DAB1: variants seen among roughly 807,000 people sequenced by gnomAD.
DAB1 encodes the protein DAB adaptor protein 1.
In DAB1, 15 loss-of-function variants were observed where a neutral mutation model predicts 64.6. That is an observed-to-expected ratio of 0.23 (90% CI 0.16 to 0.36). The LOEUF (loss-of-function observed/expected upper bound fraction) is 0.36, where lower values mean the gene tolerates loss of function less well. DAB1 is among the 10% of genes least tolerant of loss of function. The pLI, the probability that DAB1 is intolerant of heterozygous loss-of-function variation, is 1.00. For synonymous variants in DAB1, 235 were observed against 251.9 expected (o/e 0.93, Z 0.64); for missense variants, 596 against 706.7 (o/e 0.84, Z 1.78).
At chr1:57,784,235 A>C (rs1650237303) in intron 6 of DAB1, among the ~76,000 whole-genome samples, 1 of 152,130 alleles carries the variant, frequency 6.6e-6, no homozygotes, top group Non-Finnish European at 1.5e-5. Flanking sequence ...TCTACAAAAG[A>C]ATACAAAAAT....
At chr1:57,656,741 T>C (rs1646323796) in intron 6 of DAB1, among the ~76,000 whole-genome samples, 1 of 152,266 alleles carries the variant, frequency 6.6e-6, no homozygotes. Context: ...TTTATTTGTT[T>C]GTTTTACCCT....
At chr1:57,727,307 AC>A (rs1298065736) in intron 6 of DAB1, among the ~76,000 whole-genome samples, 1 of 152,222 alleles carries the variant, frequency 6.6e-6, no homozygotes, top group Non-Finnish European at 1.5e-5. Flanking sequence ...AAGTTTCCTA[AC>A]CATAATTGAT....
At chr1:58,266,345 A>G (rs1661162744) in intron 4 of DAB1, among the ~76,000 whole-genome samples, 1 of 152,124 alleles carries the variant, frequency 6.6e-6, no homozygotes, top group African/African-American at 2.4e-5. Flanking sequence ...GCAAGCTGGA[A>G]GACAGCTGGA....
intron 9 of DAB1, among the ~76,000 whole-genome samples, chr1:57,033,916 T>A (rs1647043701): frequency 6.6e-6 from 1 of 152,156 alleles, no homozygotes; most frequent in Non-Finnish European, 1.5e-5. Context: ...TAGAATGTCA[T>A]CTTGTGCTTT....
At chr1:57,961,826 T>A (rs2100274530) in intron 5 of DAB1, among the ~76,000 whole-genome samples, 1 of 151,586 alleles carries the variant, frequency 6.6e-6, no homozygotes, top group African/African-American at 2.4e-5. Context: ...AAAAAAAAAA[T>A]TAGCCGGGCA....
intron 4 of DAB1, among the ~76,000 whole-genome samples, chr1:58,215,446 T>G (rs1410546314): frequency 1.3e-5 from 2 of 151,876 alleles, no homozygotes; most frequent in Non-Finnish European, 1.5e-5. Flanking sequence ...AAAAGATATA[T>G]GTAATATATG....
At chr1:58,451,652 T>C in intron 3 of DAB1, among the ~76,000 whole-genome samples, 1 of 151,936 alleles carries the variant, frequency 6.6e-6, no homozygotes, top group East Asian at 1.9e-4. Context: ...TTTTAAAAGA[T>C]AAAGGACAAG....
At chr1:58,187,932 A>G (rs1657177559) in intron 4 of DAB1, among the ~76,000 whole-genome samples, 2 of 132,704 alleles carry the variant, frequency 1.5e-5, no homozygotes, top group East Asian at 2.3e-4. Flanking sequence ...TTCTTGAGAC[A>G]GAGTCTCGCT....
intron 5 of DAB1, among the ~76,000 whole-genome samples, chr1:58,110,177 C>T (rs1429481339): frequency 6.6e-6 from 1 of 152,222 alleles, no homozygotes; most frequent in Non-Finnish European, 1.5e-5. Flanking sequence ...GCCCTTAATT[C>T]TAATTGTCCC....
In DAB1 at chr1:57,088,215, C is replaced by T. The variant is rs971192470; in HGVS notation, c.307-15801G>A. ...CCTCCCGAATAGCTGGGATTACAGGCATGCACCACCACACCTGGCTAATTT... is the reference window on the plus strand; with the variant it reads ...CCTCCCGAATAGCTGGGATTACAGGTATGCACCACCACACCTGGCTAATTT... On this transcript the variant is annotated intron_variant, in intron 4 of 14. Coordinates refer to ENST00000371236, the MANE Select transcript of DAB1 (RefSeq NM_001365792.1). 2.3e-4 allele frequency among the ~76,000 whole-genome samples: 35 copies of T among 152,264 alleles called. 1 individual carries two copies. Among genetic ancestry groups the T allele is most frequent in the African/African-American group, 8.4e-4 (35 of 41,558 alleles).
chr1:58,391,994 A>G (rs338934), intron 3 of DAB1, among the ~76,000 whole-genome samples: 41,379 of 152,166 alleles, frequency 0.27, 5,808 homozygotes, highest in South Asian at 0.32. Flanking sequence ...GAGTGGGCAC[A>G]TAGGCATTCA....
chr1:58,301,769 T>C (rs529529943), intron 4 of DAB1, among the ~76,000 whole-genome samples: 2 of 152,290 alleles, frequency 1.3e-5, no homozygotes, highest in South Asian at 4.1e-4. Flanking sequence ...ATTCTGACTC[T>C]GCCTTTTATT....
chr1:58,061,915 G>T (rs1020436431), intron 5 of DAB1, among the ~76,000 whole-genome samples: 1 of 152,140 alleles, frequency 6.6e-6, no homozygotes, highest in African/African-American at 2.4e-5. Flanking sequence ...TAGTTAATCT[G>T]CTATCCGCAA....
chr1:58,253,532 C>T (rs1660853597), intron 4 of DAB1, among the ~76,000 whole-genome samples: 1 of 152,250 alleles, frequency 6.6e-6, no homozygotes, highest in South Asian at 2.1e-4. Context: ...GGACCCATCA[C>T]ATCACCACTG....
At chr1:57,914,445 A>G (rs937746882) in intron 5 of DAB1, among the ~76,000 whole-genome samples, 2 of 134,350 alleles carry the variant, frequency 1.5e-5, no homozygotes, top group African/African-American at 2.8e-5. Flanking sequence ...GGGGGGAGGG[A>G]TAGCATTAGG....
At chr1:57,394,112 A>G (rs1424964261) in intron 1 of DAB1, among the ~76,000 whole-genome samples, 2 of 152,220 alleles carry the variant, frequency 1.3e-5, no homozygotes, top group Non-Finnish European at 2.9e-5. Context: ...TATATGGTGC[A>G]GTGAAAGAAC....
intron 5 of DAB1, among the ~76,000 whole-genome samples, chr1:58,111,834 C>T (rs75320005): frequency 0.027 from 4,124 of 152,246 alleles, 170 homozygotes; most frequent in African/African-American, 0.093. Flanking sequence ...CTTGCTCTTA[C>T]TATAATCCTT....
chr1:57,019,981 A>G (rs1646561451), intron 11 of DAB1, among the ~76,000 whole-genome samples: 1 of 152,280 alleles, frequency 6.6e-6, no homozygotes, highest in Non-Finnish European at 1.5e-5. Context: ...CAACATTTAT[A>G]CAGAACTTGT....
chr1:57,004,263 T>C (rs551269767), intron 14 of DAB1, among the ~76,000 whole-genome samples: 9 of 152,234 alleles, frequency 5.9e-5, no homozygotes, highest in Non-Finnish European at 1.2e-4. Flanking sequence ...GGCAAATGGT[T>C]TCCTATGTCA....
Sources: gnomAD v4.1 joint callset for allele counts (sites outside exome capture counted in the v4.1 genomes callset) on GRCh38, gnomAD v4.1.1 for gene constraint, MANE v1.5 for transcripts, NCBI Gene and HGNC (gene_info 2026-07-23, HGNC 2026-07-21) for gene names.